Variants in DNAH6 observed in about 807,000 individuals in gnomAD.
DNAH6 encodes axonemal beta dynein heavy chain 6.
A neutral mutation model predicts 491.4 loss-of-function variants in DNAH6; 340 were observed. That is an observed-to-expected ratio of 0.69 (90% CI 0.63 to 0.76). The LOEUF (loss-of-function observed/expected upper bound fraction) is 0.76. DNAH6 is among the 30% of genes least tolerant of loss of function. The pLI is 0.00. For synonymous variants in DNAH6, 1,603 were observed against 1,686.1 expected (o/e 0.95, Z 1.21); for missense variants, 4,443 against 4,972.2 (o/e 0.89, Z 3.20).
At chr2:84,779,638 A>G (rs1559032227) in intron 64 of DNAH6, among the ~76,000 whole-genome samples, 1 of 152,138 alleles carries the variant, frequency 6.6e-6, no homozygotes, top group Non-Finnish European at 1.5e-5. Flanking sequence ...CTTATATCCA[A>G]GGTTAATATT....
rs1323470063 is a variant in DNAH6, at chr2:84,611,755, G to A, written c.3376G>A (p.Ala1126Thr). The change falls in exon 22 of 77, where the codon GCA (alanine) becomes ACA (threonine). Residue 1126 changes from alanine (A) to threonine (T), a missense_variant. By Grantham distance (58) the Ala-to-Thr change is moderately conservative. This residue lies in a region of DNAH6 where 2,977 missense variants were observed against 3,296.6 expected (regional missense o/e 0.90). Coordinates refer to ENST00000389394, the MANE Select transcript of DNAH6 (RefSeq NM_001370.2). ...TCCAGACATTCAGAGGCAATTGCCTGCAGAGGCCAAGATGTTCCTTCAGGT... is the reference window on the plus strand; with the variant it reads ...TCCAGACATTCAGAGGCAATTGCCTACAGAGGCCAAGATGTTCCTTCAGGT... ...NAPDIQRQLP[A>T]EAKMFLQVDK... 2 of 1,551,258 alleles carry A rather than the reference G, an allele frequency of 1.3e-6. No individual in the cohort carries two copies. Among genetic ancestry groups the A allele is most frequent in the Admixed American group, 3.9e-5 (2 of 50,978 alleles).
At chr2:84,569,408 G>A (rs1469527902) in intron 11 of DNAH6, among the ~76,000 whole-genome samples, 1 of 152,030 alleles carries the variant, frequency 6.6e-6, no homozygotes, top group Non-Finnish European at 1.5e-5. Context: ...GGAAGGGTGA[G>A]GATGGTGGGT....
At chr2:84,718,519 G>A (rs1697772738) in intron 59 of DNAH6, 135 bp downstream of exon 59, 1 of 615,882 alleles carries the variant, frequency 1.6e-6, no homozygotes, top group Non-Finnish European at 2.5e-6. Flanking sequence ...ACAGACGGGT[G>A]CCTGCCTGTC....
chr2:84,686,649 T>A (rs1330953642), intron 44 of DNAH6, 92 bp downstream of exon 44: 1 of 800,920 alleles, frequency 1.2e-6, no homozygotes, highest in Non-Finnish European at 1.9e-6. Flanking sequence ...AAACTTTACA[T>A]GTGTGAGGAG....
At chr2:84,688,740 G>GT in intron 45 of DNAH6, 147 bp downstream of exon 45, 2 of 631,200 alleles carry the variant, frequency 3.2e-6, no homozygotes, top group Non-Finnish European at 5.0e-6. Flanking sequence ...AAGAGTTATT[G>GT]TTTAACATAT....
chr2:84,658,385 A>G lies in DNAH6; in HGVS notation c.5851A>G (p.Ile1951Val), dbSNP rs776389377. The change falls in exon 36 of 77, where the codon ATT becomes GTT. Residue 1951 changes from isoleucine to valine, a missense_variant. Physicochemically the swap from Ile to Val is conservative, Grantham distance 29. Around this residue, in one of 3 missense-constraint regions of DNAH6, gnomAD observed 2,977 missense variants for 3,296.6 expected, o/e 0.90. Transcript: ENST00000389394. Reference protein sequence around the residue: ...HFINKKCSQAIPQVDISKVTT... With the variant: ...HFINKKCSQAVPQVDISKVTT... ...TATCAATAAAAAGTGCAGCCAAGCA[A>G]TTCCACAAGTGGACATCAGCAAAGT... 23 of 1,549,714 alleles carry G rather than the reference A, an allele frequency of 1.5e-5. No individual in the cohort carries two copies. In the South Asian group the frequency reaches 2.7e-4, roughly 19 times the overall value.
intron 18 of DNAH6, among the ~76,000 whole-genome samples, chr2:84,601,471 C>G (rs1165339857): frequency 6.6e-6 from 1 of 152,008 alleles, no homozygotes; most frequent in Non-Finnish European, 1.5e-5. Context: ...AATTTTCTCT[C>G]TTATCTCTGA....
At chr2:84,816,116 G>C in intron 76 of DNAH6, 33 bp downstream of exon 76, 1 of 1,483,420 alleles carries the variant, frequency 6.7e-7, no homozygotes, top group Non-Finnish European at 9.2e-7. Flanking sequence ...TTCAAATAAT[G>C]ACCAAATGCA....
intron 59 of DNAH6, among the ~76,000 whole-genome samples, chr2:84,719,280 C>T (rs1408577810): frequency 2.6e-5 from 4 of 152,178 alleles, no homozygotes; most frequent in African/African-American, 7.2e-5. Context: ...CTTTATCCTC[C>T]TGTCGTTCAT....
intron 16 of DNAH6, among the ~76,000 whole-genome samples, chr2:84,589,320 T>C (rs1020279332): frequency 1.1e-4 from 17 of 152,330 alleles, no homozygotes; most frequent in Admixed American, 6.5e-4. Flanking sequence ...ATATGTACGT[T>C]ATGATTCCAT....
At chr2:84,515,244 G>A (rs1295650931), upstream of DNAH6, among the ~76,000 whole-genome samples, 1 of 152,044 alleles carries the variant, frequency 6.6e-6, no homozygotes, top group African/African-American at 2.4e-5. Context: ...GTCTACATTT[G>A]AAGTTTTTCA....
chr2:84,584,284 A>T (rs2104045966), intron 15 of DNAH6, 34 bp downstream of exon 15: 1 of 1,599,486 alleles, frequency 6.3e-7, no homozygotes, highest in Non-Finnish European at 8.5e-7. Context: ...AAAATAATCT[A>T]TGCAAAGTTT....
chr2:84,555,234 A>G (rs1679898235), intron 10 of DNAH6, among the ~76,000 whole-genome samples: 1 of 152,198 alleles, frequency 6.6e-6, no homozygotes, highest in African/African-American at 2.4e-5. Context: ...TGCTTAGGTT[A>G]CCTATCGTTT....
chr2:84,623,181 T>C (rs1687555248), intron 26 of DNAH6, among the ~76,000 whole-genome samples: 1 of 152,190 alleles, frequency 6.6e-6, no homozygotes, highest in Admixed American at 6.6e-5. Context: ...ACAATGGCGT[T>C]GGCATTGATT....
At chr2:84,796,280 A>AT (rs1678338400) in intron 68 of DNAH6, 26 bp from the exon 69 acceptor site, 21 of 1,429,324 alleles carry the variant, frequency 1.5e-5, no homozygotes, top group Non-Finnish European at 1.8e-5. Context: ...AACAGCAATA[A>AT]TTTCAAAATA....
chr2:84,505,123 T>C, the DNAH6 span, among the ~76,000 whole-genome samples: 14 of 152,232 alleles, frequency 9.2e-5, no homozygotes, highest in Admixed American at 6.5e-5. Context: ...CTATTATACA[T>C]GGAATTGTTT....
At position 84,544,286 on chromosome 2, in the gene DNAH6, GGGCA is replaced by G. The variant is rs1001318712; in HGVS notation, c.718_721del (p.Ala240Ter). 3 of 1,521,720 alleles carry G rather than the reference GGGCA, an allele frequency of 2.0e-6. No individual in the cohort carries two copies. The African/African-American group carries it at 4.1e-5, about 21-fold the overall frequency. 94.3% of individuals were successfully genotyped at this position (1,521,720 alleles called of 1,614,324 possible). ...AATGACTACTATACTATTAGCCAAA[GGGCA>G]GTAACACACATTTATAATGAAGACA... On this transcript the variant is annotated frameshift_variant, in exon 5 of 77. Transcript: ENST00000389394. LOFTEE classifies it high-confidence loss of function.
At chr2:84,467,700 T>C in the DNAH6 span, among the ~76,000 whole-genome samples, 1 of 152,202 alleles carries the variant, frequency 6.6e-6, no homozygotes, top group African/African-American at 2.4e-5. Flanking sequence ...GCCCTAAACA[T>C]CCCTCCTTTT....
chr2:84,595,306 G>C (rs1160489000), intron 17 of DNAH6, among the ~76,000 whole-genome samples: 1 of 152,032 alleles, frequency 6.6e-6, no homozygotes, highest in Non-Finnish European at 1.5e-5. Context: ...TGTTAAACAG[G>C]TATATAATCA....
Sources: gnomAD v4.1 joint callset for allele counts (sites outside exome capture counted in the v4.1 genomes callset) on GRCh38, gnomAD v4.1.1 for gene constraint, gnomAD v4.1.1 regional missense constraint, MANE v1.5 for transcripts, NCBI Gene and HGNC (gene_info 2026-07-23, HGNC 2026-07-21) for gene names.